Variants in PDE7A observed in about 807,000 individuals in gnomAD.
PDE7A encodes the protein high affinity 3',5'-cyclic-AMP phosphodiesterase 7A.
Under a neutral mutation model 64.3 loss-of-function variants are expected in PDE7A, and 39 were observed. The observed-to-expected ratio is 0.61, with a 90% CI of 0.47 to 0.79. The LOEUF is 0.79. Ranked by LOEUF, PDE7A falls within the 30% of genes least tolerant of loss-of-function variation. PDE7A has a pLI of 0.00. For synonymous variants in PDE7A, 203 were observed against 206.8 expected, an observed-to-expected ratio of 0.98 and a Z score of 0.16; for missense variants, 470 against 582.8, an observed-to-expected ratio of 0.81 and a Z score of 1.99.
chr8:65,774,899 C>T (rs536928738), intron 3 of PDE7A, among the ~76,000 whole-genome samples: 1 of 152,056 alleles, frequency 6.6e-6, no homozygotes, highest in Non-Finnish European at 1.5e-5. Context: ...TCCACTGTAT[C>T]CTTGAGAGAG....
chr8:65,821,040 G>T (rs1810529534), intron 1 of PDE7A, among the ~76,000 whole-genome samples: 1 of 152,124 alleles, frequency 6.6e-6, no homozygotes, highest in African/African-American at 2.4e-5. Flanking sequence ...TGCTTGGTCT[G>T]CAAATCAGTG....
chr8:65,758,375 G>C (rs1808333745), intron 3 of PDE7A, among the ~76,000 whole-genome samples: 1 of 152,072 alleles, frequency 6.6e-6, no homozygotes, highest in Non-Finnish European at 1.5e-5. Context: ...TCAGGTAAGG[G>C]GGAAAAAATG....
At chr8:65,774,257 GAAATCCTC>G (rs1464403066) in intron 3 of PDE7A, among the ~76,000 whole-genome samples, 1 of 152,102 alleles carries the variant, frequency 6.6e-6, no homozygotes, top group African/African-American at 2.4e-5. Context: ...CGTGCTGTTG[GAAATCCTC>G]ATGCTAATAA....
At chr8:65,813,654 G>C (rs773275814) in intron 1 of PDE7A, among the ~76,000 whole-genome samples, 9 of 152,170 alleles carry the variant, frequency 5.9e-5, no homozygotes, top group Non-Finnish European at 8.8e-5. Flanking sequence ...ATCAAGCATT[G>C]ACTTTATTTT....
chr8:65,821,604 C>T (rs1810543480), intron 1 of PDE7A, among the ~76,000 whole-genome samples: 1 of 152,162 alleles, frequency 6.6e-6, no homozygotes. Context: ...TACCCCGACT[C>T]CCAAGCAATA....
At chr8:65,811,444 C>T (rs987021191) in intron 1 of PDE7A, among the ~76,000 whole-genome samples, 1 of 152,234 alleles carries the variant, frequency 6.6e-6, no homozygotes, top group African/African-American at 2.4e-5. Context: ...CCATCTCCTG[C>T]TAGGCCTCCC....
chr8:65,804,658 C>T (rs1171008269), intron 1 of PDE7A, among the ~76,000 whole-genome samples: 1 of 151,766 alleles, frequency 6.6e-6, no homozygotes, highest in Admixed American at 6.6e-5. Flanking sequence ...CTGCCTCAGC[C>T]TCCCAAGTAG....
chr8:65,828,837 C>CTCTA (rs1487627773), intron 1 of PDE7A, among the ~76,000 whole-genome samples: 6 of 152,136 alleles, frequency 3.9e-5, no homozygotes, highest in Non-Finnish European at 7.4e-5. Flanking sequence ...TCCTTTATTA[C>CTCTA]TAGATAAGCT....
Position 65,812,685 on chromosome 8 carries a change from A to C in PDE7A, c.138+28686T>G, listed in dbSNP as rs191870066. 1.5e-3 allele frequency among the ~76,000 whole-genome samples: 224 copies of C among 152,314 alleles called. 2 individuals are homozygous for C. The highest frequency in any genetic ancestry group is 2.1e-4 in the Non-Finnish European group (14 of 68,014). ...TGTAATAAAACCTTATTTTTCTTAT[A>C]TTACTCTTACAATGCAACAAGATAA... On this transcript the variant is annotated intron_variant, in intron 1 of 12. Coordinates refer to ENST00000401827, the MANE Select transcript of PDE7A (RefSeq NM_001242318.3).
intron 6 of PDE7A, among the ~76,000 whole-genome samples, chr8:65,738,367 T>C (rs577792585): frequency 6.6e-6 from 1 of 152,226 alleles, no homozygotes; most frequent in South Asian, 2.1e-4. Context: ...ATATGCTGCT[T>C]TGGACTTCAA....
chr8:65,771,475 C>T (rs2128920773), intron 3 of PDE7A, among the ~76,000 whole-genome samples: 1 of 152,208 alleles, frequency 6.6e-6, no homozygotes, highest in East Asian at 1.9e-4. Flanking sequence ...ATGTCTTTAA[C>T]CTGTTGATAT....
intron 7 of PDE7A, 152 bp downstream of exon 7, chr8:65,734,642 C>T (rs1262466520): frequency 1.8e-6 from 1 of 566,920 alleles, no homozygotes; most frequent in East Asian, 2.9e-5. Flanking sequence ...TGAAACACAG[C>T]CAGATTCAGA....
chr8:65,788,886 G>C (rs778407243), intron 1 of PDE7A: 36 of 1,603,806 alleles, frequency 2.2e-5, no homozygotes, highest in Non-Finnish European at 3.1e-5. Flanking sequence ...GCCTACCTTA[G>C]AGGTGATCCA....
chr8:65,736,026 C>T (rs1369895639), intron 6 of PDE7A, among the ~76,000 whole-genome samples: 1 of 152,084 alleles, frequency 6.6e-6, no homozygotes, highest in African/African-American at 2.4e-5. Flanking sequence ...ACAGATAGTA[C>T]CAAACCCTAT....
Position 65,727,031 on chromosome 8 carries a change from C to T in PDE7A, c.829-65G>A, listed in dbSNP as rs867306955. Reference sequence around the variant, plus strand: ...CTCTTTCTGGACATATCATTACTAACAATACTGTTAGCAATATTAATCTGG... The same window carrying T: ...CTCTTTCTGGACATATCATTACTAATAATACTGTTAGCAATATTAATCTGG... On this transcript the variant is annotated intron_variant, in intron 8 of 12. Coordinates refer to ENST00000401827, the MANE Select transcript of PDE7A (RefSeq NM_001242318.3). 18 of 1,016,148 alleles carry T rather than the reference C, an allele frequency of 1.8e-5. No homozygotes were observed. In the Middle Eastern group the frequency reaches 1.7e-3, roughly 94 times the overall value. 62.9% of individuals were successfully genotyped at this position (1,016,148 alleles called of 1,614,324 possible). A position where few individuals can be genotyped will look rare whatever the true frequency, so the allele number is the denominator to read the frequency against.
At chr8:65,741,341 A>G (rs1807424830) in intron 5 of PDE7A, among the ~76,000 whole-genome samples, 1 of 152,194 alleles carries the variant, frequency 6.6e-6, no homozygotes, top group Admixed American at 6.5e-5. Context: ...TATAAAAGAC[A>G]TACTAGTCCC....
intron 1 of PDE7A, among the ~76,000 whole-genome samples, chr8:65,794,964 T>A (rs1375456091): frequency 6.6e-6 from 1 of 152,078 alleles, no homozygotes; most frequent in Non-Finnish European, 1.5e-5. Flanking sequence ...AAATGATGAA[T>A]AAGAGCTTGT....
intron 1 of PDE7A, among the ~76,000 whole-genome samples, chr8:65,826,470 C>T (rs1394205465): frequency 6.6e-6 from 1 of 152,180 alleles, no homozygotes. Context: ...GTTCTCCTAG[C>T]TTCAGGTGCC....
At chr8:65,770,522 A>G (rs1809033564) in intron 3 of PDE7A, among the ~76,000 whole-genome samples, 1 of 152,224 alleles carries the variant, frequency 6.6e-6, no homozygotes, top group African/African-American at 2.4e-5. Context: ...CCCCTCCCAG[A>G]ACACATGGGA....
Sources: gnomAD v4.1 joint callset for allele counts (sites outside exome capture counted in the v4.1 genomes callset) on GRCh38, gnomAD v4.1.1 for gene constraint, MANE v1.5 for transcripts, NCBI Gene and HGNC (gene_info 2026-07-23, HGNC 2026-07-21) for gene names.